PTPRN2: variants seen among roughly 807,000 people sequenced by gnomAD.
PTPRN2 encodes receptor-type tyrosine-protein phosphatase N2.
PTPRN2 carries 74 observed loss-of-function variants against 118.8 expected under a neutral mutation model. The ratio of observed to expected loss-of-function variants is 0.62; its 90% CI spans 0.52 to 0.76. The LOEUF (loss-of-function observed/expected upper bound fraction) is 0.76. Among genes scored for constraint, PTPRN2 ranks in the 30% least tolerant of loss-of-function variants. The probability of loss-of-function intolerance (pLI) is 0.00; values close to 1 mark genes in which losing one functional copy is unlikely to be tolerated. For missense variants in PTPRN2, 1,481 were observed against 1,394.4 expected (o/e 1.06, Z -0.99); for synonymous variants, 641 against 608.0 (o/e 1.05, Z -0.80).
chr7:158,360,075 C>A (rs13240888), intron 2 of PTPRN2, among the ~76,000 whole-genome samples: 58,791 of 68,850 alleles, frequency 0.85, 24,850 homozygotes, highest in Middle Eastern at 0.89. Flanking sequence ...ACAGACCCCA[C>A]ATCCACCCTC....
chr7:157,556,319 ACACC>A (rs1283402179), intron 21 of PTPRN2, among the ~76,000 whole-genome samples: 1 of 135,560 alleles, frequency 7.4e-6, no homozygotes, highest in Non-Finnish European at 1.6e-5. Context: ...AACAACACAC[ACACC>A]CACACTCACA....
At position 158,565,391 on chromosome 7, in the gene PTPRN2, G is replaced by A. The variant is rs1051003510; in HGVS notation, c.112+22167C>T. Among the ~76,000 whole-genome samples the A allele has an allele frequency of 2.6e-5, 4 of 152,292 alleles. No individual in the cohort carries two copies. The highest frequency in any genetic ancestry group is 2.6e-4 in the Admixed American group (4 of 15,310). On this transcript the variant is annotated intron_variant, in intron 1 of 22. Coordinates refer to ENST00000389418, the MANE Select transcript of PTPRN2 (RefSeq NM_002847.5). The surrounding 1 kb of genome is among the most constrained non-coding windows in gnomAD (Gnocchi z 4.6). The stretch of plus-strand genomic sequence containing the variant: ...ACCTCTCATCCTGAGAGGTGAGACA[G>A]AGCCAGCTCTGGGCTGTGGCTGGTC...
chr7:157,744,236 G>T (rs762009649), intron 12 of PTPRN2, among the ~76,000 whole-genome samples: 3 of 152,236 alleles, frequency 2.0e-5, no homozygotes, highest in Non-Finnish European at 4.4e-5. Flanking sequence ...AAGCCGTGAT[G>T]CTGGGGTGGG....
intron 12 of PTPRN2, among the ~76,000 whole-genome samples, chr7:157,775,568 G>A (rs568164162): frequency 4.0e-4 from 61 of 152,206 alleles, no homozygotes; most frequent in Non-Finnish European, 5.9e-4. Flanking sequence ...ACACAGCAGC[G>A]CTGGGAAGGC....
At chr7:157,814,031 G>A (rs986764929) in intron 12 of PTPRN2, among the ~76,000 whole-genome samples, 9 of 152,352 alleles carry the variant, frequency 5.9e-5, no homozygotes, top group South Asian at 2.1e-4. Flanking sequence ...TCAGAGCTGC[G>A]AGACTGTGCC....
At position 157,955,056 on chromosome 7, in the gene PTPRN2, CCT is replaced by C; in HGVS notation, c.1724-56321_1724-56320del. On this transcript the variant is annotated intron_variant, in intron 11 of 22. Transcript: ENST00000389418. The stretch of plus-strand genomic sequence containing the variant: ...GGGTGGAGGGTGCTGGGCCAGTGTG[CCT>C]CTCACCGTCCCCAAGGAGCCCCCTG... 2.0e-5 allele frequency among the ~76,000 whole-genome samples: 3 copies of C among 152,144 alleles called. No individual in the cohort carries two copies. The Middle Eastern group carries it at 0.01, about 517-fold the overall frequency.
chr7:158,170,153 C>T lies in PTPRN2; in HGVS notation c.550-2862G>A, dbSNP rs555055544. Among the ~76,000 whole-genome samples the T allele has an allele frequency of 2.8e-4, 43 of 152,270 alleles. No individual in the cohort carries two copies. In the South Asian group the frequency reaches 5.2e-3, roughly 18 times the overall value. ...GAGCGTGAGAAAGAGCGAGAGCGAG[C>T]GAGCGAGAGACAGTGAATGCCACCA... On this transcript the variant is annotated intron_variant, in intron 5 of 22. Transcript: ENST00000389418.
intron 2 of PTPRN2, among the ~76,000 whole-genome samples, chr7:158,376,656 C>A (rs1244075465): frequency 5.2e-5 from 5 of 95,944 alleles, no homozygotes; most frequent in African/African-American, 1.8e-4. Context: ...ACACGTCCTG[C>A]ATGCGGGGTC....
intron 12 of PTPRN2, among the ~76,000 whole-genome samples, chr7:157,706,076 G>A (rs1242783): frequency 0.22 from 33,683 of 151,508 alleles, 4,279 homozygotes; most frequent in East Asian, 0.48. Flanking sequence ...CGGGAACTGA[G>A]CCAATCTGTC....
intron 10 of PTPRN2, among the ~76,000 whole-genome samples, chr7:158,098,976 TCCG>T (rs1814922096): frequency 6.9e-6 from 1 of 145,630 alleles, no homozygotes; most frequent in African/African-American, 2.6e-5. Context: ...ATTCCTGGGT[TCCG>T]CATCCCGGCT....
rs1017110922 is a variant in PTPRN2, at chr7:158,570,900, T to G, written c.112+16658A>C. Among the ~76,000 whole-genome samples the G allele has an allele frequency of 3.3e-5, 5 of 152,198 alleles. No homozygotes were observed. The highest frequency in any genetic ancestry group is 7.3e-5 in the Non-Finnish European group (5 of 68,034). ...AAACGTGCATGGACCTGGTTACCTC[T>G]GGCCTTCCTCTGCTCAGAAGCCCAC... is the stretch of plus-strand genomic sequence containing the variant. On this transcript the variant is annotated intron_variant, in intron 1 of 22. Coordinates refer to ENST00000389418, the MANE Select transcript of PTPRN2 (RefSeq NM_002847.5). The surrounding 1 kb of genome is among the most constrained non-coding windows in gnomAD (Gnocchi z 4.5).
At chr7:157,776,487 C>T (rs1190578368) in intron 12 of PTPRN2, among the ~76,000 whole-genome samples, 46 of 64,328 alleles carry the variant, frequency 7.2e-4, no homozygotes, top group African/African-American at 7.7e-4. Flanking sequence ...CTCCTCCTCC[C>T]TCTCCTTCTC....
intron 11 of PTPRN2, among the ~76,000 whole-genome samples, chr7:157,939,529 G>GAC (rs1389111575): frequency 1.3e-5 from 2 of 152,252 alleles, no homozygotes; most frequent in African/African-American, 2.4e-5. Flanking sequence ...TCACCCTGTG[G>GAC]ACACAGCCAC....
intron 3 of PTPRN2, among the ~76,000 whole-genome samples, chr7:158,255,051 G>A (rs952367098): frequency 1.3e-5 from 2 of 152,116 alleles, no homozygotes; most frequent in African/African-American, 4.8e-5. Context: ...CCACGTCCAG[G>A]ACCTGTTCTT....
chr7:158,453,790 G>A (rs146977831), intron 2 of PTPRN2, among the ~76,000 whole-genome samples: 1,556 of 152,372 alleles, frequency 0.01, 22 homozygotes, highest in Non-Finnish European at 0.014. Flanking sequence ...CTGACCATGT[G>A]CAGGGAACCG....
At chr7:157,643,071 T>G (rs1273674635) in intron 14 of PTPRN2, among the ~76,000 whole-genome samples, 2 of 152,074 alleles carry the variant, frequency 1.3e-5, no homozygotes, top group African/African-American at 2.4e-5. Flanking sequence ...CTCTTTGGAG[T>G]TGAAAATATC....
chr7:158,461,120 T>A (rs1271472156), intron 2 of PTPRN2, among the ~76,000 whole-genome samples: 1 of 152,230 alleles, frequency 6.6e-6, no homozygotes, highest in East Asian at 1.9e-4. Context: ...AGAAGTGACC[T>A]GGTCAAGAAG....
At chr7:158,422,143 G>A (rs544269048) in intron 2 of PTPRN2, among the ~76,000 whole-genome samples, 9 of 152,162 alleles carry the variant, frequency 5.9e-5, no homozygotes, top group Non-Finnish European at 1.2e-4. Context: ...TTAATTTTAC[G>A]AGCTGACTGA....
chr7:157,737,422 A>G (rs565009014), intron 12 of PTPRN2, among the ~76,000 whole-genome samples: 13 of 152,338 alleles, frequency 8.5e-5, no homozygotes, highest in African/African-American at 2.9e-4. Flanking sequence ...GCTGTGAGTG[A>G]GCCCTACATG....
Sources: allele counts gnomAD v4.1 joint callset (sites outside exome capture counted in the v4.1 genomes callset), GRCh38; gene constraint gnomAD v4.1.1; non-coding constraint Gnocchi (gnomAD v3.1); transcripts MANE v1.5; gene names NCBI Gene and HGNC (gene_info 2026-07-23, HGNC 2026-07-21).